Variants in XRCC1 observed in about 807,000 individuals in gnomAD.
XRCC1 encodes X-ray repair cross complementing 1, also known as DNA repair protein XRCC1.
Under a neutral mutation model 83.3 loss-of-function variants are expected in XRCC1, and 52 were observed. That is an observed-to-expected ratio of 0.62 (90% CI 0.50 to 0.79). XRCC1 has a LOEUF of 0.79. Ranked by LOEUF, XRCC1 falls within the 30% of genes least tolerant of loss-of-function variation. The pLI is 0.00. For synonymous variants in XRCC1, 281 were observed against 312.6 expected (o/e 0.90, Z 1.07); for missense variants, 793 against 823.5 (o/e 0.96, Z 0.45).
intron 2 of XRCC1, among the ~76,000 whole-genome samples, chr19:43,568,659 A>G (rs1265771183): frequency 2.0e-5 from 3 of 151,690 alleles, no homozygotes; most frequent in Admixed American, 6.7e-5. Flanking sequence ...CGGTAGGTAT[A>G]TATGCTTGTA....
Position 43,552,115 on chromosome 19 carries a change from A to G in XRCC1, c.984T>C (p.Ser328=). Residue 328 remains serine, a synonymous_variant, in exon 9 of 17, where the codon AGT becomes AGC. Coordinates refer to ENST00000262887, the MANE Select transcript of XRCC1 (RefSeq NM_006297.3). ...CGGAGCGGAAGGGGTTCTGGAAGCC[A>G]CTCAGCACCACTACCACACCCTGAA... ...KILQGVVVVL[S]GFQNPFRSEL... 1 of 1,613,958 alleles carries G rather than the reference A, an allele frequency of 6.2e-7. No individual in the cohort carries two copies. Among genetic ancestry groups the G allele is most frequent in the Non-Finnish European group, 8.5e-7 (1 of 1,179,958 alleles).
intron 2 of XRCC1, among the ~76,000 whole-genome samples, chr19:43,568,908 C>T (rs536920719): frequency 1.1e-4 from 16 of 151,748 alleles, no homozygotes; most frequent in African/African-American, 3.9e-4. Context: ...ACCCCAATGG[C>T]CAGGTCTTTG....
chr19:43,545,583 A>C (rs1212414959), intron 14 of XRCC1, among the ~76,000 whole-genome samples: 1 of 152,124 alleles, frequency 6.6e-6, no homozygotes, highest in East Asian at 1.9e-4. Flanking sequence ...CTGCGAGGGG[A>C]GTGGTCAGAA....
At position 43,552,178 on chromosome 19, in the gene XRCC1, T is replaced by C. The variant is rs770605769; in HGVS notation, c.921A>G (p.Arg307=). ...GKPRGEGTEP[R]RPRAGPEELG... ...GCTCCTCTGGGCCAGCTCGGGGTCG[T>C]CTGGGCTCGGTGCCTTCTCCTCGGG... The change falls in exon 9 of 17, where the codon AGA becomes AGG. Residue 307 remains arginine (R), a synonymous_variant. Transcript: ENST00000262887. 19 of 1,613,936 alleles carry C rather than the reference T, an allele frequency of 1.2e-5. No individual in the cohort carries two copies. The highest frequency in any genetic ancestry group is 1.7e-5 in the Admixed American group (1 of 59,994).
At chr19:43,557,307 CAAAAA>C (rs33984597) in intron 3 of XRCC1, among the ~76,000 whole-genome samples, 3 of 77,866 alleles carry the variant, frequency 3.9e-5, no homozygotes, top group African/African-American at 5.2e-5. Flanking sequence ...GACTCCGTCT[CAAAAA>C]AAAAAAAAAA....
intron 14 of XRCC1, among the ~76,000 whole-genome samples, chr19:43,544,491 G>A (rs1420057675): frequency 6.6e-6 from 1 of 151,920 alleles, no homozygotes; most frequent in Non-Finnish European, 1.5e-5. Flanking sequence ...ACAGGCTGGA[G>A]CCACTTACCT....
intron 3 of XRCC1, among the ~76,000 whole-genome samples, chr19:43,558,238 GGAA>G (rs1406690781): frequency 6.6e-6 from 1 of 152,114 alleles, no homozygotes; most frequent in Non-Finnish European, 1.5e-5. Context: ...GAGGGGCTGT[GGAA>G]GGAGGATCAC....
At chr19:43,545,999 G>A in intron 13 of XRCC1, 42 bp from the exon 14 acceptor site, 1 of 1,613,726 alleles carries the variant, frequency 6.2e-7, no homozygotes, top group Non-Finnish European at 8.5e-7. Flanking sequence ...ATGCAGAGCA[G>A]CCTCCCCTAC....
At chr19:43,558,138 AG>A (rs1972657889) in intron 3 of XRCC1, among the ~76,000 whole-genome samples, 2 of 152,148 alleles carry the variant, frequency 1.3e-5, no homozygotes, top group African/African-American at 4.8e-5. Context: ...CTGTGAAAAA[AG>A]ATAGTTTTCT....
At chr19:43,573,290 T>A (rs1026060946) in intron 2 of XRCC1, among the ~76,000 whole-genome samples, 1 of 152,016 alleles carries the variant, frequency 6.6e-6, no homozygotes, top group South Asian at 2.1e-4. Context: ...GTCTCTTCCA[T>A]GAGATTCCAC....
intron 2 of XRCC1, among the ~76,000 whole-genome samples, chr19:43,570,296 A>G (rs1163656035): frequency 6.6e-6 from 1 of 152,210 alleles, no homozygotes; most frequent in Admixed American, 6.5e-5. Flanking sequence ...CCACCCCTCC[A>G]GCCCAGGAGT....
chr19:43,543,958 C>G (rs1400882654), intron 15 of XRCC1, among the ~76,000 whole-genome samples, 186 bp downstream of exon 15: 1 of 152,154 alleles, frequency 6.6e-6, no homozygotes, highest in African/African-American at 2.4e-5. Flanking sequence ...GCAAGCAATG[C>G]ACCCTGGGCT....
intron 2 of XRCC1, among the ~76,000 whole-genome samples, chr19:43,562,639 G>T (rs946329785): frequency 6.6e-6 from 1 of 152,170 alleles, no homozygotes; most frequent in African/African-American, 2.4e-5. Flanking sequence ...AGCTACTCAG[G>T]AGGCTGAGGA....
intron 10 of XRCC1, among the ~76,000 whole-genome samples, chr19:43,548,776 A>AAAAAAAAAAAAAAAAAAAAAAAC (rs1555768463): frequency 7.8e-6 from 1 of 128,560 alleles, no homozygotes; most frequent in African/African-American, 2.8e-5. Flanking sequence ...CAAAAAAAAA[A>AAAAAAAAAAAAAAAAAAAAAAAC]AAAAAAAAAA....
chr19:43,567,268 T>A (rs1397440709), intron 2 of XRCC1, among the ~76,000 whole-genome samples: 4 of 143,546 alleles, frequency 2.8e-5, no homozygotes, highest in African/African-American at 2.6e-5. Context: ...GTCAATATGC[T>A]AAAAAAAAAA....
At position 43,560,918 on chromosome 19, in the gene XRCC1, C is replaced by T; in HGVS notation, c.247G>A (p.Asp83Asn). ...CTCATAGCCCTGCTTACCTCATAGT[C>T]TTGCTCCCCAGCGCCTCCAGCTGAA... ...GSSAGGAGEQDYEVLLVTSSF... is the reference protein window; with the variant it reads ...GSSAGGAGEQNYEVLLVTSSF... Residue 83 changes from aspartate (D) to asparagine (N), a missense_variant, in exon 3 of 17, where the codon GAC becomes AAC. Coordinates refer to ENST00000262887, the MANE Select transcript of XRCC1 (RefSeq NM_006297.3). 6.2e-7 allele frequency: 1 copy of T among 1,614,014 alleles called. No individual in the cohort carries two copies. Among genetic ancestry groups the T allele is most frequent in the Non-Finnish European group, 8.5e-7 (1 of 1,179,838 alleles).
At chr19:43,574,163 T>A (rs1033922170) in intron 2 of XRCC1, among the ~76,000 whole-genome samples, 7 of 151,794 alleles carry the variant, frequency 4.6e-5, no homozygotes, top group African/African-American at 1.7e-4. Flanking sequence ...GCAGCCTCCA[T>A]CTCCTGGGCT....
intron 3 of XRCC1, among the ~76,000 whole-genome samples, 183 bp downstream of exon 3, chr19:43,560,727 G>C (rs1039262193): frequency 5.3e-5 from 8 of 152,208 alleles, no homozygotes; most frequent in Non-Finnish European, 1.2e-4. Flanking sequence ...TCCCTGATGT[G>C]CAGTTTACCG....
intron 1 of XRCC1, 73 bp downstream of exon 1, chr19:43,575,335 C>T (rs1218311660): frequency 6.8e-7 from 1 of 1,473,480 alleles, no homozygotes; most frequent in African/African-American, 1.4e-5. Flanking sequence ...CAAGAGAACC[C>T]CAAAAGCTCT....
Sources: allele counts gnomAD v4.1 joint callset (sites outside exome capture counted in the v4.1 genomes callset), GRCh38; gene constraint gnomAD v4.1.1; transcripts MANE v1.5; gene names NCBI Gene and HGNC (gene_info 2026-07-23, HGNC 2026-07-21).